The following CNOT6L variants were observed in gnomAD, a reference collection of about 807,000 sequenced individuals.
CNOT6L encodes the protein CCR4-NOT transcription complex subunit 6 like, also known as CCR4-NOT transcription complex subunit 6-like.
In CNOT6L, 7 loss-of-function variants were observed where a neutral mutation model predicts 64.0. The observed-to-expected ratio is 0.11, with a 90% CI of 0.06 to 0.21. The LOEUF (loss-of-function observed/expected upper bound fraction) is 0.21, where lower values mean the gene tolerates loss of function less well. Among genes scored for constraint, CNOT6L ranks in the 10% least tolerant of loss-of-function variants. The pLI, the probability that CNOT6L is intolerant of heterozygous loss-of-function variation, is 1.00. For synonymous variants in CNOT6L, 193 were observed against 243.4 expected (o/e 0.79, Z 1.93); for missense variants, 245 against 669.0 (o/e 0.37, Z 6.99).
intron 4 of CNOT6L, among the ~76,000 whole-genome samples, chr4:77,765,410 A>G (rs935859640): frequency 2.6e-5 from 4 of 152,244 alleles, no homozygotes; most frequent in Admixed American, 2.6e-4. Context: ...ACTAAAATAC[A>G]TTGAAATAGT....
chr4:77,730,675 G>T (rs112274732), intron 9 of CNOT6L, among the ~76,000 whole-genome samples: 1 of 151,976 alleles, frequency 6.6e-6, no homozygotes, highest in African/African-American at 2.4e-5. Flanking sequence ...AGAAAAGAAG[G>T]TTTGACACAT....
At chr4:77,749,785 T>C (rs922025699) in intron 5 of CNOT6L, among the ~76,000 whole-genome samples, 11 of 152,196 alleles carry the variant, frequency 7.2e-5, no homozygotes, top group Non-Finnish European at 1.5e-5. Context: ...ATAAACAGCA[T>C]GTACAGCTGG....
At chr4:77,811,375 T>C (rs1732916369) in intron 1 of CNOT6L, among the ~76,000 whole-genome samples, 1 of 152,048 alleles carries the variant, frequency 6.6e-6, no homozygotes, top group African/African-American at 2.4e-5. Flanking sequence ...TAGTGATCTC[T>C]ACTAAAAGTA....
At chr4:77,775,745 T>G (rs899920273) in intron 2 of CNOT6L, among the ~76,000 whole-genome samples, 7 of 152,220 alleles carry the variant, frequency 4.6e-5, no homozygotes, top group African/African-American at 1.7e-4. Context: ...TGAGTATTAA[T>G]CAAGTTAGGT....
intron 1 of CNOT6L, among the ~76,000 whole-genome samples, chr4:77,808,322 T>G (rs534443521): frequency 6.6e-6 from 1 of 150,878 alleles, no homozygotes; most frequent in Admixed American, 6.6e-5. Context: ...ATTAGCCGGG[T>G]GTGGTGGTGT....
chr4:77,820,068 T>TTGCCGCTGCGCCGGGTGC (rs1323324475), upstream of CNOT6L, among the ~76,000 whole-genome samples: 3 of 151,628 alleles, frequency 2.0e-5, no homozygotes, highest in Admixed American at 2.0e-4. Flanking sequence ...GCTGCGGGGG[T>TTGCCGCTGCGCCGGGTGC]TGCCGCTGCG....
intron 1 of CNOT6L, among the ~76,000 whole-genome samples, chr4:77,818,372 T>C (rs1428327560): frequency 1.3e-5 from 2 of 151,636 alleles, no homozygotes; most frequent in Admixed American, 1.3e-4. Flanking sequence ...ATGCACAAAA[T>C]CCATCCAATC....
intron 4 of CNOT6L, among the ~76,000 whole-genome samples, chr4:77,766,470 C>CA (rs1384947834): frequency 5.9e-5 from 9 of 151,648 alleles, no homozygotes; most frequent in African/African-American, 2.2e-4. Flanking sequence ...TTAATGCTTC[C>CA]ACTCAACATC....
At chr4:77,815,039 G>C (rs993436022) in intron 1 of CNOT6L, among the ~76,000 whole-genome samples, 2 of 152,094 alleles carry the variant, frequency 1.3e-5, no homozygotes, top group African/African-American at 4.8e-5. Flanking sequence ...AATAACTTTA[G>C]AATTATAAAA....
At chr4:77,767,062 CAAAAAAAA>C (rs56926683) in intron 4 of CNOT6L, among the ~76,000 whole-genome samples, 29 of 25,962 alleles carry the variant, frequency 1.1e-3, no homozygotes, top group East Asian at 1.4e-3. Context: ...AACTCCGTCT[CAAAAAAAA>C]AAAAAAAAAA....
chr4:77,771,388 A>G (rs1388491464), intron 4 of CNOT6L, among the ~76,000 whole-genome samples: 1 of 152,182 alleles, frequency 6.6e-6, no homozygotes, highest in South Asian at 2.1e-4. Flanking sequence ...AATATCGGGA[A>G]GAAGAAAACA....
In CNOT6L at chr4:77,714,018, C is replaced by G. The variant is rs1184953031; in HGVS notation, c.*6413G>C. 6.6e-6 allele frequency: 1 copy of G among 152,426 alleles called. No homozygotes were observed. The highest frequency in any genetic ancestry group is 1.5e-5 in the Non-Finnish European group (1 of 67,982). The allele number at this position is 152,426 out of a possible 1,614,324, so 9.4% of individuals were successfully genotyped here. ...TTTAGTCCTTGGCTTTTTCTTAGAA[C>G]AAAAGCAAAGTAAATATACAACCTA... On this transcript the variant is annotated 3_prime_UTR_variant, in exon 12 of 12. Transcript: ENST00000504123.
intron 1 of CNOT6L, among the ~76,000 whole-genome samples, chr4:77,783,150 C>CAAAAAAAAAAAAAAAAAAA: frequency 9.8e-6 from 1 of 102,146 alleles, no homozygotes; most frequent in South Asian, 3.6e-4. Flanking sequence ...TGTGACCACT[C>CAAAAAAAAAAAAAAAAAAA]AAAAAAAAAA....
At chr4:77,764,431 A>C (rs1726579472) in intron 4 of CNOT6L, among the ~76,000 whole-genome samples, 1 of 152,196 alleles carries the variant, frequency 6.6e-6, no homozygotes, top group African/African-American at 2.4e-5. Context: ...TGATCCAACA[A>C]AATTGACTCA....
chr4:77,816,324 A>C (rs1219630233), intron 1 of CNOT6L, among the ~76,000 whole-genome samples: 1 of 152,204 alleles, frequency 6.6e-6, no homozygotes, highest in East Asian at 1.9e-4. Flanking sequence ...AAATTACTTT[A>C]CCAAATACTA....
upstream of CNOT6L, among the ~76,000 whole-genome samples, chr4:77,819,769 GCGGGC>G (rs1170760263): frequency 2.0e-5 from 3 of 150,170 alleles, no homozygotes; most frequent in South Asian, 2.1e-4. Context: ...TGCGGGGCGG[GCGGGC>G]CGGGCCGGGC....
At chr4:77,800,176 T>C (rs575747625) in intron 1 of CNOT6L, among the ~76,000 whole-genome samples, 3 of 152,318 alleles carry the variant, frequency 2.0e-5, no homozygotes, top group Non-Finnish European at 4.4e-5. Context: ...ACTTTAGCTT[T>C]TCTATTTCTT....
chr4:77,738,771 A>AAAAAG (rs1723255438), intron 8 of CNOT6L, among the ~76,000 whole-genome samples: 2 of 151,026 alleles, frequency 1.3e-5, no homozygotes, highest in Admixed American at 6.6e-5. Flanking sequence ...AAAAAAAAAA[A>AAAAAG]TGTATTTACA....
chr4:77,747,456 C>T (rs545571470), intron 6 of CNOT6L, among the ~76,000 whole-genome samples: 1 of 152,336 alleles, frequency 6.6e-6, no homozygotes, highest in East Asian at 1.9e-4. Flanking sequence ...GCATGAGCCA[C>T]AGTGCCCAGC....
Sources: allele counts gnomAD v4.1 joint callset (sites outside exome capture counted in the v4.1 genomes callset), GRCh38; gene constraint gnomAD v4.1.1; transcripts MANE v1.5; gene names NCBI Gene and HGNC (gene_info 2026-07-23, HGNC 2026-07-21).